The following DAP variants were observed in gnomAD, a reference collection of about 807,000 sequenced individuals.
The protein encoded by DAP is death associated protein, also known as death-associated protein 1.
In DAP, 8 loss-of-function variants were observed where a neutral mutation model predicts 13.8. The ratio of observed to expected loss-of-function variants is 0.58; its 90% CI spans 0.34 to 1.05. The LOEUF (loss-of-function observed/expected upper bound fraction) is 1.05, where lower values mean the gene tolerates loss of function less well. DAP is among the 50% of genes least tolerant of loss of function. DAP has a pLI of 0.03. For missense variants in DAP, 106 were observed against 133.2 expected, an observed-to-expected ratio of 0.80 and a Z score of 1.01; for synonymous variants, 47 against 47.5, an observed-to-expected ratio of 0.99 and a Z score of 0.04.
chr5:10,754,177 G>A (rs1049280687), intron 1 of DAP, among the ~76,000 whole-genome samples: 3 of 152,192 alleles, frequency 2.0e-5, no homozygotes, highest in Admixed American at 2.0e-4. Flanking sequence ...CTAAAAAGTG[G>A]AGAGGATAAA....
chr5:10,680,998 A>G lies in DAP; in HGVS notation c.*58T>C, dbSNP rs5745296. On this transcript the variant is annotated 3_prime_UTR_variant, in exon 4 of 4. Coordinates refer to ENST00000230895, the MANE Select transcript of DAP (RefSeq NM_004394.3). Reference sequence around the variant, plus strand: ...GGCGAAACTGCTGGTTCTCTCTGTCAGGGAAATACCAAGTGCAGCAGAGCC... The same window carrying G: ...GGCGAAACTGCTGGTTCTCTCTGTCGGGGAAATACCAAGTGCAGCAGAGCC... The G allele has an allele frequency of 0.063, 98,586 of 1,552,892 alleles. 3,953 individuals are homozygous for G. Among genetic ancestry groups the G allele is most frequent in the African/African-American group, 0.17 (12,813 of 73,460 alleles).
chr5:10,687,672 A>C (rs1738189124), intron 2 of DAP, among the ~76,000 whole-genome samples: 1 of 152,152 alleles, frequency 6.6e-6, no homozygotes, highest in Admixed American at 6.5e-5. Context: ...TTGAGCTGGA[A>C]TCTACACCTG....
In DAP at chr5:10,679,743, G is replaced by A. The variant is rs1737932986; in HGVS notation, c.*1313C>T. The A allele has an allele frequency of 6.6e-6, 1 of 152,456 alleles. No homozygotes were observed. The highest frequency in any genetic ancestry group is 2.4e-5 in the African/African-American group (1 of 41,460). The allele number at this position is 152,456 out of a possible 1,614,324, so 9.4% of individuals were successfully genotyped here. On this transcript the variant is annotated 3_prime_UTR_variant, in exon 4 of 4. Coordinates refer to ENST00000230895, the MANE Select transcript of DAP (RefSeq NM_004394.3). ...TGCCATGCTCCCTCAGGGAGGAGGG[G>A]CGCTGGGTCTGACCAGGTCTGCCTC...
chr5:10,722,483 T>A (rs919161913), intron 2 of DAP, among the ~76,000 whole-genome samples: 2 of 150,916 alleles, frequency 1.3e-5, no homozygotes, highest in East Asian at 1.9e-4. Flanking sequence ...TAATAAACTC[T>A]CTCTCTATAT....
chr5:10,746,208 G>A lies in DAP; in HGVS notation c.152+1967C>T, dbSNP rs1031063824. ...CCCAAATTTCTCCATTCTAAAATAC[G>A]TCGGGCCGCAAGTCCTACAGATATA... is the stretch of plus-strand genomic sequence containing the variant. On this transcript the variant is annotated intron_variant, in intron 2 of 3. Transcript: ENST00000230895. Among the ~76,000 whole-genome samples the A allele has an allele frequency of 5.3e-5, 8 of 152,066 alleles. No individual in the cohort carries two copies. The South Asian group carries it at 1.2e-3, about 24-fold the overall frequency.
At position 10,707,122 on chromosome 5, in the gene DAP, A is replaced by G. The variant is rs1738716744; in HGVS notation, c.153-23551T>C. Among the ~76,000 whole-genome samples the G allele has an allele frequency of 6.6e-6, 1 of 152,220 alleles. No homozygotes were observed. The highest frequency in any genetic ancestry group is 2.4e-5 in the African/African-American group (1 of 41,458). On this transcript the variant is annotated intron_variant, in intron 2 of 3. Transcript: ENST00000230895. The surrounding 1 kb of genome is among the most constrained non-coding windows in gnomAD (Gnocchi z 4.0). ...GCAACGTCTGAGGTGGCTGGGGCTCAATGTCAAATGAATAATGAAAACTCA... is the reference window on the plus strand; with the variant it reads ...GCAACGTCTGAGGTGGCTGGGGCTCGATGTCAAATGAATAATGAAAACTCA...
intron 2 of DAP, among the ~76,000 whole-genome samples, chr5:10,718,605 G>C (rs1739057399): frequency 6.6e-6 from 1 of 152,232 alleles, no homozygotes; most frequent in Non-Finnish European, 1.5e-5. Flanking sequence ...CTGTGCAGAA[G>C]ACAGGTGGAT....
In DAP at chr5:10,735,737, G is replaced by A. The variant is rs533149860; in HGVS notation, c.152+12438C>T. Among the ~76,000 whole-genome samples the A allele has an allele frequency of 2.0e-5, 3 of 152,292 alleles. No individual in the cohort carries two copies. The South Asian group carries it at 6.2e-4, about 32-fold the overall frequency. On this transcript the variant is annotated intron_variant, in intron 2 of 3. Transcript: ENST00000230895. ...CTGAGCAACAGTAAACACTGGCATA[G>A]GGGAAGAGAGAATCATTTGCCATGT... is the stretch of plus-strand genomic sequence containing the variant.
chr5:10,687,627 G>A (rs764078947), intron 2 of DAP, among the ~76,000 whole-genome samples: 40 of 152,208 alleles, frequency 2.6e-4, no homozygotes, highest in Non-Finnish European at 4.7e-4. Context: ...GGGATGAGGA[G>A]TTGCTTCTCA....
At chr5:10,745,521 C>T (rs547774144) in intron 2 of DAP, among the ~76,000 whole-genome samples, 33 of 152,148 alleles carry the variant, frequency 2.2e-4, no homozygotes, top group Admixed American at 4.6e-4. Flanking sequence ...CAATCTACAG[C>T]GCTGGGGTGC....
At chr5:10,708,291 T>G (rs1232383714) in intron 2 of DAP, among the ~76,000 whole-genome samples, 2 of 151,414 alleles carry the variant, frequency 1.3e-5, no homozygotes. Flanking sequence ...TGGGCACAAG[T>G]GCACACACAC....
At chr5:10,695,317 C>T (rs1181795650) in intron 2 of DAP, among the ~76,000 whole-genome samples, 4 of 152,238 alleles carry the variant, frequency 2.6e-5, no homozygotes, top group African/African-American at 4.8e-5. Context: ...CCAGGCACTG[C>T]GGGCGAGGGC....
intron 2 of DAP, among the ~76,000 whole-genome samples, chr5:10,703,429 T>C (rs1444204715): frequency 1.3e-5 from 2 of 152,068 alleles, no homozygotes; most frequent in Admixed American, 6.6e-5. Context: ...CCGACTCGCA[T>C]GTGGGCAGGT....
chr5:10,712,760 T>A (rs890293390), intron 2 of DAP, among the ~76,000 whole-genome samples: 1 of 152,212 alleles, frequency 6.6e-6, no homozygotes, highest in African/African-American at 2.4e-5. Flanking sequence ...CTGGCGGGAA[T>A]GCCCTTAGCT....
chr5:10,756,846 G>T (rs1242407122), intron 1 of DAP, among the ~76,000 whole-genome samples: 1 of 152,208 alleles, frequency 6.6e-6, no homozygotes, highest in Non-Finnish European at 1.5e-5. Flanking sequence ...ACTGCTGTTA[G>T]ATGAAACAGA....
intron 2 of DAP, among the ~76,000 whole-genome samples, chr5:10,736,572 T>C (rs1467238495): frequency 1.3e-5 from 2 of 152,166 alleles, no homozygotes; most frequent in Non-Finnish European, 2.9e-5. Context: ...TTCTGTCAAC[T>C]TTCTGCCGCC....
At chr5:10,745,994 G>A (rs985539406) in intron 2 of DAP, among the ~76,000 whole-genome samples, 1 of 152,172 alleles carries the variant, frequency 6.6e-6, no homozygotes, top group Non-Finnish European at 1.5e-5. Context: ...TTAACCTGAA[G>A]TGACACTAGT....
chr5:10,730,640 T>G (rs1371950931), intron 2 of DAP, among the ~76,000 whole-genome samples: 30 of 96,120 alleles, frequency 3.1e-4, no homozygotes, highest in African/African-American at 4.2e-4. Flanking sequence ...TTGAGAGCCC[T>G]GGTAGGGGGG....
At chr5:10,749,291 T>C (rs1346258634) in intron 1 of DAP, among the ~76,000 whole-genome samples, 2 of 152,240 alleles carry the variant, frequency 1.3e-5, no homozygotes, top group Non-Finnish European at 2.9e-5. Flanking sequence ...AGTTTTTGTA[T>C]GGACATATGT....
Sources: gnomAD v4.1 joint callset for allele counts (sites outside exome capture counted in the v4.1 genomes callset) on GRCh38, gnomAD v4.1.1 for gene constraint, Gnocchi (gnomAD v3.1) non-coding constraint, MANE v1.5 for transcripts, NCBI Gene and HGNC (gene_info 2026-07-23, HGNC 2026-07-21) for gene names.